IRF4: variants seen among roughly 807,000 people sequenced by gnomAD.
IRF4 encodes the protein lymphocyte-specific interferon regulatory factor.
IRF4 carries 13 observed loss-of-function variants against 55.5 expected under a neutral mutation model. The observed-to-expected ratio is 0.23, with a 90% CI of 0.15 to 0.37. The LOEUF is 0.37. Among genes scored for constraint, IRF4 ranks in the 10% least tolerant of loss-of-function variants. The pLI, the probability that IRF4 is intolerant of heterozygous loss-of-function variation, is 1.00. For synonymous variants in IRF4, 249 were observed against 240.7 expected (o/e 1.03, Z -0.32); for missense variants, 397 against 593.8 (o/e 0.67, Z 3.44).
intron 8 of IRF4, chr6:406,694 C>A: frequency 1.3e-6 from 1 of 749,996 alleles, no homozygotes; most frequent in Non-Finnish European, 1.7e-6. Flanking sequence ...CTGCGTGGTC[C>A]ATAAAATGAA....
In IRF4 at chr6:393,174, C is replaced by G. The variant is rs1251757585; in HGVS notation, c.22C>G (p.Arg8Gly). The G allele has an allele frequency of 1.9e-6, 3 of 1,551,118 alleles. No individual in the cohort carries two copies. Among genetic ancestry groups the G allele is most frequent in the Non-Finnish European group, 2.6e-6 (3 of 1,147,220 alleles). Residue 8 changes from arginine to glycine, a missense_variant, in exon 2 of 9, where the codon CGA (arginine) becomes GGA (glycine). Coordinates refer to ENST00000380956, the MANE Select transcript of IRF4 (RefSeq NM_002460.4). The surrounding 1 kb of genome is among the most constrained non-coding windows in gnomAD (Gnocchi z 5.4). MNLEGGG[R>G]GGEFGMSAVS... ...GGGCATGAACCTGGAGGGCGGCGGC[C>G]GAGGCGGAGAGTTCGGCATGAGCGC...
chr6:407,415 G>A, intron 8 of IRF4, 40 bp from the exon 9 acceptor site: 2 of 1,573,748 alleles, frequency 1.3e-6, no homozygotes, highest in South Asian at 1.2e-5. Flanking sequence ...GCCAGTTGCA[G>A]GATATCTCAG....
intron 8 of IRF4, 23 bp downstream of exon 8, chr6:405,153 A>G: frequency 7.9e-7 from 1 of 1,262,596 alleles, no homozygotes; most frequent in African/African-American, 1.5e-5. Flanking sequence ...TTACACTCCT[A>G]CCATAGTGGC....
In IRF4 at chr6:409,779, C is replaced by T. The variant is rs971870195; in HGVS notation, c.*2181C>T. 75 of 229,194 alleles carry T rather than the reference C, an allele frequency of 3.3e-4. No homozygotes were observed. Among genetic ancestry groups the T allele is most frequent in the African/African-American group, 1.6e-3 (70 of 45,118 alleles). 14.2% of individuals were successfully genotyped at this position (229,194 alleles called of 1,614,324 possible). ...TTGCTGAAGAATATTTAACCCCACA[C>T]AGCACTTCAAAGAAGCTGTCTTGGA... On this transcript the variant is annotated 3_prime_UTR_variant, in exon 9 of 9. Transcript: ENST00000380956.
intron 7 of IRF4, among the ~76,000 whole-genome samples, chr6:403,094 A>C (rs1761450442): frequency 6.6e-6 from 1 of 152,250 alleles, no homozygotes; most frequent in African/African-American, 2.4e-5. Context: ...AAGAGGGAGA[A>C]CTGTGCTGGT....
rs1761399587 is a variant in IRF4 at position 401,494 on chromosome 6, G to A, written c.816G>A (p.Glu272=). The A allele has an allele frequency of 6.2e-7, 1 of 1,613,938 alleles. No individual in the cohort carries two copies. Residue 272 remains glutamate (E), a synonymous_variant, in exon 7 of 9, where the codon GAG becomes GAA. Coordinates refer to ENST00000380956, the MANE Select transcript of IRF4 (RefSeq NM_002460.4). ...LVKELTTSSP[E]GCRISHGHTY... ...AGGAGCTGACCACGTCCAGCCCCGAGGGCTGCCGGATCTCCCATGGACATA... is the reference window on the plus strand; with the variant it reads ...AGGAGCTGACCACGTCCAGCCCCGAAGGCTGCCGGATCTCCCATGGACATA...
At chr6:398,517 A>G (rs1761323463) in intron 5 of IRF4, among the ~76,000 whole-genome samples, 2 of 152,250 alleles carry the variant, frequency 1.3e-5, no homozygotes, top group African/African-American at 4.8e-5. Context: ...CTTTGTGAAC[A>G]AGGACAAAGC....
chr6:401,946 T>C, intron 7 of IRF4, 169 bp downstream of exon 7: 2 of 617,370 alleles, frequency 3.2e-6, no homozygotes, highest in Admixed American at 5.8e-5. Context: ...TCTGGCTCTG[T>C]TGTGGGCAGA....
rs1177197750 is a variant in IRF4 at position 408,441 on chromosome 6, C to A, written c.*843C>A. On this transcript the variant is annotated 3_prime_UTR_variant, in exon 9 of 9. Transcript: ENST00000380956. ...CCTTTCCTGGAAGCCAGTTAGTAAACTTCCTATTTTCTTGAGTCAAAAAAC... is the reference window on the plus strand; with the variant it reads ...CCTTTCCTGGAAGCCAGTTAGTAAAATTCCTATTTTCTTGAGTCAAAAAAC... 1 of 229,996 alleles carries A rather than the reference C, an allele frequency of 4.3e-6. No homozygotes were observed. The highest frequency in any genetic ancestry group is 5.7e-5 in the Admixed American group (1 of 17,634). The allele number at this position is 229,996 out of a possible 1,614,324, so 14.2% of individuals were successfully genotyped here. A position where few individuals can be genotyped will look rare whatever the true frequency, so the allele number is the denominator to read the frequency against.
At chr6:395,765 G>T in intron 3 of IRF4, 82 bp from the exon 4 acceptor site, 1 of 995,572 alleles carries the variant, frequency 1.0e-6, no homozygotes, top group South Asian at 1.4e-5. Flanking sequence ...TAAATGCTCA[G>T]GTATTTTTAC....
At chr6:392,149 A>G (rs1453852547) in intron 1 of IRF4, among the ~76,000 whole-genome samples, 1 of 152,156 alleles carries the variant, frequency 6.6e-6, no homozygotes, top group Non-Finnish European at 1.5e-5. Flanking sequence ...GCACCCACAC[A>G]AGACGGCACA....
Position 391,863 on chromosome 6 carries a change from C to G in IRF4, c.-56+54C>G, listed in dbSNP as rs965517046. 11 of 454,304 alleles carry G rather than the reference C, an allele frequency of 2.4e-5. No homozygotes were observed. The Middle Eastern group carries it at 1.7e-3, about 70-fold the overall frequency. 28.1% of individuals were successfully genotyped at this position (454,304 alleles called of 1,614,324 possible). A position where few individuals can be genotyped will look rare whatever the true frequency, so the allele number is the denominator to read the frequency against. On this transcript the variant is annotated intron_variant, in intron 1 of 8. Transcript: ENST00000380956. ...GGTGTGAGGCTGATACCAGAGAGGA[C>G]CCGGAGCGCGAACCAGAGGTTCGAC...
chr6:401,721 A>C lies in IRF4; in HGVS notation c.1043A>C (p.Asn348Thr), dbSNP rs1561716191. The part of the protein sequence containing the change: ...GPLALCNDRP[N>T]KLERDQTCKL... Reference sequence around the variant, plus strand: ...CTGGCGCTGTGCAACGACCGGCCCAACAAACTGGAGAGAGACCAGACCTGC... The same window carrying C: ...CTGGCGCTGTGCAACGACCGGCCCACCAAACTGGAGAGAGACCAGACCTGC... Residue 348 changes from asparagine to threonine, a missense_variant, in exon 7 of 9, where the codon AAC becomes ACC. Asn to Thr is a moderately conservative substitution (Grantham distance 65). This residue lies in a region of IRF4 where 341 missense variants were observed against 548.1 expected (regional missense o/e 0.62). Coordinates refer to ENST00000380956, the MANE Select transcript of IRF4 (RefSeq NM_002460.4). 1 of 1,614,254 alleles carries C rather than the reference A, an allele frequency of 6.2e-7. No homozygotes were observed. Among genetic ancestry groups the C allele is most frequent in the Non-Finnish European group, 8.5e-7 (1 of 1,180,048 alleles).
Position 394,964 on chromosome 6 carries a change from C to T in IRF4, c.360C>T (p.Asp120=). The change falls in exon 3 of 9, where the codon GAC becomes GAT. Residue 120 remains aspartate, a synonymous_variant. Transcript: ENST00000380956. The stretch of plus-strand genomic sequence containing the variant: ...AGCGGAGCCAGCTGGACATCTCAGA[C>T]CCGTACAAAGTGTACAGGATTGTTC... The part of the protein sequence containing the change: ...LVERSQLDIS[D]PYKVYRIVPE... 1.2e-6 allele frequency: 2 copies of T among 1,614,138 alleles called. No individual in the cohort carries two copies. Among genetic ancestry groups the T allele is most frequent in the Non-Finnish European group, 1.7e-6 (2 of 1,180,012 alleles).
rs377483798 is a variant in IRF4, at chr6:405,045, G to A, written c.1127G>A (p.Arg376His). ...CTGCAAGCGTTTGCTCACCACGGCC[G>A]CTCCCTGCCAAGATTCCAGGTGACT... The part of the protein sequence containing the change: ...SELQAFAHHG[R>H]SLPRFQVTLC... Residue 376 changes from arginine (R) to histidine (H), a missense_variant, in exon 8 of 9, where the codon CGC becomes CAC. Coordinates refer to ENST00000380956, the MANE Select transcript of IRF4 (RefSeq NM_002460.4). 4.3e-5 allele frequency: 69 copies of A among 1,613,518 alleles called. No homozygotes were observed. Among genetic ancestry groups the A allele is most frequent in the Non-Finnish European group, 5.3e-5 (62 of 1,179,618 alleles).
chr6:393,717 C>T lies in IRF4; in HGVS notation c.216+349C>T, dbSNP rs1218865542. Among the ~76,000 whole-genome samples the T allele has an allele frequency of 6.6e-6, 1 of 152,162 alleles. No individual in the cohort carries two copies. The highest frequency in any genetic ancestry group is 2.4e-5 in the African/African-American group (1 of 41,446). ...AGCCTCCCGCCCTTCCTCCGGGCTC[C>T]CGTCTGCCGCCTCCGTCCGTGGGTC... On this transcript the variant is annotated intron_variant, in intron 2 of 8. Transcript: ENST00000380956. The surrounding 1 kb of genome is among the most constrained non-coding windows in gnomAD (Gnocchi z 5.4).
chr6:405,188 G>C (rs1761514432), intron 8 of IRF4, 58 bp downstream of exon 8: 1 of 933,952 alleles, frequency 1.1e-6, no homozygotes, highest in Non-Finnish European at 1.7e-6. Context: ...AAAGGCCAGA[G>C]TTTCATTTAG....
At chr6:399,278 T>C (rs1761342179) in intron 6 of IRF4, among the ~76,000 whole-genome samples, 1 of 152,150 alleles carries the variant, frequency 6.6e-6, no homozygotes, top group Non-Finnish European at 1.5e-5. Flanking sequence ...GTGGAATAAT[T>C]GCTTGGAAGT....
rs11242862 is a variant in IRF4, at chr6:405,452, T to A, written c.1212+322T>A. ...ATAGGGATTGAAAAAGATTGATGGT[T>A]AAAGTTGCCCTTTAAAATTCTCCAG... is the stretch of plus-strand genomic sequence containing the variant. On this transcript the variant is annotated intron_variant, in intron 8 of 8. Transcript: ENST00000380956. Among the ~76,000 whole-genome samples, 29,239 of 152,094 alleles carry A rather than the reference T, an allele frequency of 0.19. 2,925 individuals are homozygous for A. The highest frequency in any genetic ancestry group is 0.29 in the Middle Eastern group (85 of 294).
Sources: gnomAD v4.1 joint callset for allele counts (sites outside exome capture counted in the v4.1 genomes callset) on GRCh38, gnomAD v4.1.1 for gene constraint, gnomAD v4.1.1 regional missense constraint, Gnocchi (gnomAD v3.1) non-coding constraint, MANE v1.5 for transcripts, NCBI Gene and HGNC (gene_info 2026-07-23, HGNC 2026-07-21) for gene names.